Variants in DLGAP4 observed in about 807,000 individuals in gnomAD.
DLGAP4 encodes the protein disks large-associated protein 4.
In DLGAP4, 18 loss-of-function variants were observed where a neutral mutation model predicts 86.9. That is an observed-to-expected ratio of 0.21 (90% CI 0.14 to 0.31). The LOEUF is 0.31. Among genes scored for constraint, DLGAP4 ranks in the 10% least tolerant of loss-of-function variants. The probability of loss-of-function intolerance (pLI) is 1.00; values close to 1 mark genes in which losing one functional copy is unlikely to be tolerated. For synonymous variants in DLGAP4, 548 were observed against 574.3 expected, an observed-to-expected ratio of 0.95 and a Z score of 0.65; for missense variants, 1,085 against 1,362.6, an observed-to-expected ratio of 0.80 and a Z score of 3.21.
chr20:36,504,427 C>T (rs2036275161), intron 10 of DLGAP4, among the ~76,000 whole-genome samples: 1 of 152,138 alleles, frequency 6.6e-6, no homozygotes, highest in Admixed American at 6.6e-5. Context: ...TTGCTGGGCA[C>T]TTGGGTTGTT....
At position 36,375,271 on chromosome 20, in the gene DLGAP4, A is replaced by G. The variant is rs141107562; in HGVS notation, c.-73+7996A>G. On this transcript the variant is annotated intron_variant, in intron 2 of 12. Coordinates refer to ENST00000339266, the MANE Select transcript of DLGAP4 (RefSeq NM_001365621.2). ...CAGCTTTTTTCTGGAAACTCCAGTC[A>G]TTGCCAGATCATCCCCTGATTCTCT... Among the ~76,000 whole-genome samples the G allele has an allele frequency of 4.1e-3, 625 of 152,244 alleles. 3 individuals carry two copies. The highest frequency in any genetic ancestry group is 6.9e-3 in the Non-Finnish European group (467 of 68,016).
chr20:36,513,574 A>G (rs2036858419), intron 10 of DLGAP4, among the ~76,000 whole-genome samples: 1 of 150,966 alleles, frequency 6.6e-6, no homozygotes, highest in Non-Finnish European at 1.5e-5. Context: ...AAAAAAAAAA[A>G]AAAAAGAATT....
At chr20:36,461,658 G>GCCCC in intron 7 of DLGAP4, 9 of 274,474 alleles carry the variant, frequency 3.3e-5, no homozygotes, top group Non-Finnish European at 4.5e-5. Context: ...GACGGGGGCC[G>GCCCC]CCCCGCCCGG....
intron 1 of DLGAP4, among the ~76,000 whole-genome samples, chr20:36,355,579 C>G (rs1555893767): frequency 1.3e-5 from 2 of 152,242 alleles, no homozygotes; most frequent in Non-Finnish European, 1.5e-5. Flanking sequence ...TTACAGGCGT[C>G]AGCCACTGAG....
intron 7 of DLGAP4, among the ~76,000 whole-genome samples, chr20:36,467,664 G>C (rs1470409724): frequency 6.6e-6 from 1 of 152,192 alleles, no homozygotes; most frequent in Non-Finnish European, 1.5e-5. Context: ...ATGGGAGTGG[G>C]AAGAGCCAAT....
chr20:36,356,347 T>C (rs1230779787), intron 1 of DLGAP4, among the ~76,000 whole-genome samples: 7 of 152,234 alleles, frequency 4.6e-5, no homozygotes, highest in African/African-American at 1.7e-4. Context: ...AGTCTCGCTC[T>C]GTCACCCAGG....
At chr20:36,484,316 C>G (rs1480525204) in intron 7 of DLGAP4, among the ~76,000 whole-genome samples, 1 of 152,236 alleles carries the variant, frequency 6.6e-6, no homozygotes, top group African/African-American at 2.4e-5. Context: ...ACCTGCCGCC[C>G]TGGACTGTGG....
chr20:36,408,169 AGATGCTGAGACAAGGATTGTGGGG>A (rs2032380571), intron 2 of DLGAP4, among the ~76,000 whole-genome samples: 1 of 151,814 alleles, frequency 6.6e-6, no homozygotes, highest in Admixed American at 6.6e-5. Context: ...GTTTTCCTGG[AGATGCTGAGACAAGGATTGTGGGG>A]GTTTGTTTGG....
chr20:36,420,763 C>A (rs537944697), intron 2 of DLGAP4, among the ~76,000 whole-genome samples: 1 of 152,104 alleles, frequency 6.6e-6, no homozygotes, highest in South Asian at 2.1e-4. Flanking sequence ...CACCTGAGGT[C>A]GGGAGTTCAA....
At chr20:36,466,363 T>C (rs921363712) in intron 7 of DLGAP4, among the ~76,000 whole-genome samples, 1 of 152,194 alleles carries the variant, frequency 6.6e-6, no homozygotes, top group Non-Finnish European at 1.5e-5. Flanking sequence ...CATCATCAGC[T>C]TTGTTTTGTG....
chr20:36,460,825 T>C (rs980474091), intron 7 of DLGAP4, among the ~76,000 whole-genome samples: 1 of 152,226 alleles, frequency 6.6e-6, no homozygotes, highest in Non-Finnish European at 1.5e-5. Flanking sequence ...TGTTTTATTT[T>C]ACGGGGGAGG....
rs573256657 is a variant in DLGAP4, at chr20:36,426,370, C to T, written c.-72-5276C>T. Among the ~76,000 whole-genome samples the T allele has an allele frequency of 3.3e-5, 5 of 152,238 alleles. No individual in the cohort carries two copies. In the East Asian group the frequency reaches 9.7e-4, roughly 29 times the overall value. On this transcript the variant is annotated intron_variant, in intron 2 of 12. Transcript: ENST00000339266. ...TCTCCACTAAAAATACAAAAATTAGCTGGGCATGGTGGCATGCGCCTCTAA... is the reference window on the plus strand; with the variant it reads ...TCTCCACTAAAAATACAAAAATTAGTTGGGCATGGTGGCATGCGCCTCTAA...
chr20:36,349,358 C>T (rs1183326327), intron 1 of DLGAP4, among the ~76,000 whole-genome samples: 1 of 147,438 alleles, frequency 6.8e-6, no homozygotes, highest in Non-Finnish European at 1.5e-5. Flanking sequence ...GCGGAGCTTG[C>T]AGTGAGCCGA....
intron 1 of DLGAP4, among the ~76,000 whole-genome samples, chr20:36,332,229 T>C (rs1046912941): frequency 6.6e-6 from 1 of 152,058 alleles, no homozygotes; most frequent in Non-Finnish European, 1.5e-5. Flanking sequence ...GGGCAAGGGA[T>C]TCAGAGCCTT....
intron 1 of DLGAP4, among the ~76,000 whole-genome samples, chr20:36,342,532 G>C (rs138051196): frequency 6.6e-6 from 1 of 152,182 alleles, no homozygotes; most frequent in African/African-American, 2.4e-5. Flanking sequence ...ATGCCTGGGC[G>C]CCAGCAGCCA....
chr20:36,436,028 C>T (rs576015373), intron 3 of DLGAP4, 81 bp from the exon 4 acceptor site: 1 of 1,451,636 alleles, frequency 6.9e-7, no homozygotes, highest in South Asian at 1.5e-5. Context: ...AACGAGGGAG[C>T]TTCAGGTCCC....
intron 1 of DLGAP4, among the ~76,000 whole-genome samples, chr20:36,322,856 G>T (rs1555890680): frequency 6.6e-6 from 1 of 152,080 alleles, no homozygotes; most frequent in Non-Finnish European, 1.5e-5. Context: ...TCTCACCCTT[G>T]TAACTACCAC....
In DLGAP4 at chr20:36,356,297, T is replaced by TTTTGTTTG. The variant is rs140426624; in HGVS notation, c.-303-10724_-303-10717dup. Reference sequence around the variant, plus strand: ...AGCCAGCTTGAGATGGTTTCATTGTTTTTGTTTGTTTGTTTGTTTGTTTGT... The same window carrying TTTTGTTTG: ...AGCCAGCTTGAGATGGTTTCATTGTTTTTGTTTGTTTGTTTGTTTGTTTGTTTGTTTGT... On this transcript the variant is annotated intron_variant, in intron 1 of 12. Transcript: ENST00000339266. Among the ~76,000 whole-genome samples the TTTTGTTTG allele has an allele frequency of 8.4e-3, 1,271 of 152,010 alleles. 17 individuals carry two copies. Among genetic ancestry groups the TTTTGTTTG allele is most frequent in the African/African-American group, 0.03 (1,227 of 41,366 alleles).
At chr20:36,507,332 A>AT (rs1248717072) in intron 10 of DLGAP4, among the ~76,000 whole-genome samples, 3 of 152,010 alleles carry the variant, frequency 2.0e-5, no homozygotes, top group Non-Finnish European at 4.4e-5. Context: ...GGTGCAAGTG[A>AT]TTCTCGTGCC....
Sources: gnomAD v4.1 joint callset for allele counts (sites outside exome capture counted in the v4.1 genomes callset) on GRCh38, gnomAD v4.1.1 for gene constraint, MANE v1.5 for transcripts, NCBI Gene and HGNC (gene_info 2026-07-23, HGNC 2026-07-21) for gene names.